HMGCLL1: variants seen among roughly 807,000 people sequenced by gnomAD.
HMGCLL1 encodes 3-hydroxy-3-methylglutaryl-CoA lyase like 1.
Under a neutral mutation model 39.1 loss-of-function variants are expected in HMGCLL1, and 36 were observed. That is an observed-to-expected ratio of 0.92 (90% CI 0.71 to 1.22). HMGCLL1 has a LOEUF of 1.22. HMGCLL1 is among the 50% of genes most tolerant of loss of function. The pLI is 0.00. For missense variants in HMGCLL1, 451 were observed against 416.5 expected, an observed-to-expected ratio of 1.08 and a Z score of -0.72; for synonymous variants, 149 against 144.0, an observed-to-expected ratio of 1.03 and a Z score of -0.25.
chr6:55,528,041 A>G (rs1768415923), intron 3 of HMGCLL1, among the ~76,000 whole-genome samples: 1 of 152,048 alleles, frequency 6.6e-6, no homozygotes, highest in African/African-American at 2.4e-5. Context: ...CTTTTCACTA[A>G]TATAGATTGC....
intron 3 of HMGCLL1, among the ~76,000 whole-genome samples, chr6:55,534,243 T>C (rs1050122493): frequency 6.6e-6 from 1 of 152,144 alleles, no homozygotes; most frequent in Non-Finnish European, 1.5e-5. Flanking sequence ...TTAGGTTAGT[T>C]ATTAGGCCAG....
chr6:55,664,971 G>T, the HMGCLL1 span, among the ~76,000 whole-genome samples: 1 of 151,600 alleles, frequency 6.6e-6, no homozygotes, highest in African/African-American at 2.4e-5. Flanking sequence ...AAAATTCATG[G>T]TCTCTTTATG....
the HMGCLL1 span, among the ~76,000 whole-genome samples, chr6:55,655,305 C>T: frequency 6.6e-6 from 1 of 151,864 alleles, no homozygotes; most frequent in Admixed American, 6.6e-5. Context: ...ATTCACTTAC[C>T]TTAATACGTA....
At position 55,438,013 on chromosome 6, in the gene HMGCLL1, C is replaced by A. The variant is rs564105542; in HGVS notation, c.921+1421G>T. On this transcript the variant is annotated intron_variant, in intron 8 of 8. Transcript: ENST00000274901. ...TGTGGCAGCTACTCAATGTAGCAAC[C>A]CTTGGATGTTGAAATTTTTAGGAAT... Among the ~76,000 whole-genome samples, 140 of 151,972 alleles carry A rather than the reference C, an allele frequency of 9.2e-4. 1 individual carries two copies. The highest frequency in any genetic ancestry group is 1.8e-3 in the Non-Finnish European group (121 of 67,920).
the HMGCLL1 span, among the ~76,000 whole-genome samples, chr6:55,592,324 T>G: frequency 6.6e-6 from 1 of 152,098 alleles, no homozygotes. Flanking sequence ...AGTTATAAGT[T>G]CATGAAGATA....
Position 55,553,845 on chromosome 6 carries a change from C to T in HMGCLL1, c.109-11705G>A, listed in dbSNP as rs552429552. On this transcript the variant is annotated intron_variant, in intron 1 of 8. Coordinates refer to ENST00000274901, the MANE Select transcript of HMGCLL1 (RefSeq NM_001042406.2). ...TCATTGTTGATAGTAGAGCAGATTACCTTACACAGCTCTTGCCACAATCAA... is the reference window on the plus strand; with the variant it reads ...TCATTGTTGATAGTAGAGCAGATTATCTTACACAGCTCTTGCCACAATCAA... Among the ~76,000 whole-genome samples, 273 of 152,244 alleles carry T rather than the reference C, an allele frequency of 1.8e-3. 3 individuals are homozygous for T. Among genetic ancestry groups the T allele is most frequent in the Non-Finnish European group, 1.4e-3 (94 of 68,014 alleles).
chr6:55,530,731 G>C (rs995526798), intron 3 of HMGCLL1, among the ~76,000 whole-genome samples: 1 of 152,046 alleles, frequency 6.6e-6, no homozygotes, highest in Non-Finnish European at 1.5e-5. Flanking sequence ...CGGCATTCAT[G>C]TTTATCTTTC....
At chr6:55,519,930 C>T (rs552548097) in intron 3 of HMGCLL1, among the ~76,000 whole-genome samples, 80 of 151,996 alleles carry the variant, frequency 5.3e-4, no homozygotes, top group African/African-American at 1.9e-3. Context: ...AATCTTGAGA[C>T]AGTGGGAACA....
the HMGCLL1 span, among the ~76,000 whole-genome samples, chr6:55,662,436 A>T: frequency 1.3e-5 from 2 of 151,672 alleles, no homozygotes. Context: ...GTCTCTTGAG[A>T]TTATCATGTG....
chr6:55,594,424 G>A, the HMGCLL1 span, among the ~76,000 whole-genome samples: 2 of 152,188 alleles, frequency 1.3e-5, no homozygotes, highest in South Asian at 4.2e-4. Flanking sequence ...GCATTAAAAT[G>A]AGCCAAGGTG....
chr6:55,623,090 C>T, the HMGCLL1 span, among the ~76,000 whole-genome samples: 1 of 151,788 alleles, frequency 6.6e-6, no homozygotes, highest in African/African-American at 2.4e-5. Context: ...GAATTTCTAT[C>T]AGTTATAATA....
In HMGCLL1 at chr6:55,477,262, TTATATAATA is replaced by T. The variant is rs1362523539; in HGVS notation, c.795+18148_795+18156del. Among the ~76,000 whole-genome samples the T allele has an allele frequency of 1.4e-4, 3 of 21,734 alleles. 1 individual carries two copies. The highest frequency in any genetic ancestry group is 1.9e-4 in the Non-Finnish European group (3 of 15,976). 14.3% of individuals were successfully genotyped at this position (21,734 alleles called of 152,430 possible). On this transcript the variant is annotated intron_variant, in intron 7 of 8. Transcript: ENST00000274901. ...ATATTTATATAATATATAATATATA[TTATATAATA>T]TATATTATATATTATATATAAAATA...
chr6:55,494,838 CAG>C (rs1375645001), intron 7 of HMGCLL1, among the ~76,000 whole-genome samples: 1 of 152,136 alleles, frequency 6.6e-6, no homozygotes, highest in East Asian at 1.9e-4. Flanking sequence ...TAAAATAACA[CAG>C]AGTATAATAA....
At chr6:55,563,030 A>G (rs1771029209) in intron 1 of HMGCLL1, among the ~76,000 whole-genome samples, 1 of 152,070 alleles carries the variant, frequency 6.6e-6, no homozygotes, top group Admixed American at 6.6e-5. Context: ...ACATAAAGAC[A>G]CATTCATATA....
chr6:55,627,675 A>AG, the HMGCLL1 span, among the ~76,000 whole-genome samples: 22,297 of 149,166 alleles, frequency 0.15, 2,013 homozygotes, highest in Non-Finnish European at 0.2. Flanking sequence ...CAGGGAATAT[A>AG]AAGCAGGCAG....
chr6:55,435,366 C>T lies in HMGCLL1; in HGVS notation c.*296G>A, dbSNP rs559637475. On this transcript the variant is annotated 3_prime_UTR_variant, in exon 9 of 9. Transcript: ENST00000274901. Reference sequence around the variant, plus strand: ...TTTGATACTTGGGGAAATACGAAGTCAATTTTCCCATCTACTAAATTAAAA... The same window carrying T: ...TTTGATACTTGGGGAAATACGAAGTTAATTTTCCCATCTACTAAATTAAAA... The T allele has an allele frequency of 2.6e-5, 6 of 234,098 alleles. No homozygotes were observed. Among genetic ancestry groups the T allele is most frequent in the Non-Finnish European group, 4.2e-5 (5 of 118,426 alleles). 14.5% of individuals were successfully genotyped at this position (234,098 alleles called of 1,614,324 possible). A position where few individuals can be genotyped will look rare whatever the true frequency, so the allele number is the denominator to read the frequency against.
intron 7 of HMGCLL1, among the ~76,000 whole-genome samples, chr6:55,486,154 T>G (rs1766016636): frequency 2.0e-5 from 3 of 150,384 alleles, no homozygotes; most frequent in African/African-American, 7.3e-5. Flanking sequence ...TATATATTAA[T>G]ACTTATTTTA....
the HMGCLL1 span, among the ~76,000 whole-genome samples, chr6:55,634,669 TA>T: frequency 6.6e-6 from 1 of 152,154 alleles, no homozygotes; most frequent in Non-Finnish European, 1.5e-5. Context: ...CTTAGAACTT[TA>T]CTTGATTGAA....
the HMGCLL1 span, among the ~76,000 whole-genome samples, chr6:55,609,875 G>T: frequency 6.6e-6 from 1 of 152,120 alleles, no homozygotes; most frequent in East Asian, 1.9e-4. Context: ...ATCTCTAGGT[G>T]CAGGTGCAAG....
Sources: allele counts gnomAD v4.1 joint callset (sites outside exome capture counted in the v4.1 genomes callset), GRCh38; gene constraint gnomAD v4.1.1; transcripts MANE v1.5; gene names NCBI Gene and HGNC (gene_info 2026-07-23, HGNC 2026-07-21).